ITPRID1: variants seen among roughly 807,000 people sequenced by gnomAD.
ITPRID1 encodes protein ITPRID1.
ITPRID1 carries 96 observed loss-of-function variants against 95.4 expected under a neutral mutation model. The observed-to-expected ratio is 1.01, with a 90% CI of 0.85 to 1.19. The LOEUF (loss-of-function observed/expected upper bound fraction) is 1.19, where lower values mean the gene tolerates loss of function less well. ITPRID1 is among the 50% of genes most tolerant of loss of function. The probability of loss-of-function intolerance (pLI) is 0.00; values close to 1 mark genes in which losing one functional copy is unlikely to be tolerated. For missense variants in ITPRID1, 1,339 were observed against 1,252.9 expected, an observed-to-expected ratio of 1.07 and a Z score of -1.04; for synonymous variants, 510 against 453.6, an observed-to-expected ratio of 1.12 and a Z score of -1.58.
At chr7:31,568,331 C>T (rs1784869841) in intron 5 of ITPRID1, among the ~76,000 whole-genome samples, 1 of 152,148 alleles carries the variant, frequency 6.6e-6, no homozygotes, top group South Asian at 2.1e-4. Context: ...AGACCCTCTA[C>T]TCAGACAAGA....
chr7:31,563,844 G>T (rs1013761788), intron 5 of ITPRID1, among the ~76,000 whole-genome samples: 1 of 152,096 alleles, frequency 6.6e-6, no homozygotes, highest in African/African-American at 2.4e-5. Flanking sequence ...CATTCCAATG[G>T]GCTTTAAGGT....
intron 10 of ITPRID1, among the ~76,000 whole-genome samples, chr7:31,588,682 T>C (rs1334803372): frequency 2.6e-5 from 3 of 115,070 alleles, no homozygotes; most frequent in Non-Finnish European, 3.7e-5. Flanking sequence ...GAATATAAAA[T>C]TTGAGGAAAT....
In ITPRID1 at chr7:31,653,021, G is replaced by A. The variant is rs560855439; in HGVS notation, c.*192G>A. On this transcript the variant is annotated 3_prime_UTR_variant, in exon 15 of 15. Coordinates refer to ENST00000615280, the MANE Select transcript of ITPRID1 (RefSeq NM_001257967.3). ...TACTCATTCAGTATAGAATAACTGAGCACCTAGTATGTGCCTGGCACAGAG... is the reference window on the plus strand; with the variant it reads ...TACTCATTCAGTATAGAATAACTGAACACCTAGTATGTGCCTGGCACAGAG... 5.1e-6 allele frequency: 7 copies of A among 1,370,252 alleles called. No individual in the cohort carries two copies. Among genetic ancestry groups the A allele is most frequent in the Non-Finnish European group, 6.7e-6 (7 of 1,046,358 alleles). 84.9% of individuals were successfully genotyped at this position (1,370,252 alleles called of 1,614,324 possible). A position where few individuals can be genotyped will look rare whatever the true frequency, so the allele number is the denominator to read the frequency against.
At chr7:31,528,957 T>C (rs767370952) in intron 1 of ITPRID1, among the ~76,000 whole-genome samples, 8 of 152,186 alleles carry the variant, frequency 5.3e-5, no homozygotes, top group Admixed American at 2.6e-4. Context: ...TTTAGCATTA[T>C]GTCATATATA....
Position 31,643,170 on chromosome 7 carries a change from T to A in ITPRID1, c.1800T>A (p.Pro600=). ...QSHHNESQRS[P]GNDHTQDKFL... is the part of the protein sequence containing the mutation. ...ACCACAATGAGTCTCAAAGGTCACC[T>A]GGAAATGATCATACTCAAGACAAGT... The change falls in exon 12 of 15, where the codon CCT becomes CCA. Residue 600 remains proline, a synonymous_variant. Transcript: ENST00000615280. The A allele has an allele frequency of 1.2e-6, 2 of 1,613,950 alleles. No individual in the cohort carries two copies. The highest frequency in any genetic ancestry group is 1.7e-6 in the Non-Finnish European group (2 of 1,179,894).
chr7:31,578,156 G>T lies in ITPRID1; in HGVS notation c.892G>T (p.Ala298Ser). The T allele has an allele frequency of 6.2e-7, 1 of 1,613,810 alleles. No individual in the cohort carries two copies. Among genetic ancestry groups the T allele is most frequent in the Non-Finnish European group, 8.5e-7 (1 of 1,179,818 alleles). Residue 298 changes from alanine (A) to serine (S), a missense_variant, in exon 9 of 15, where the codon GCA becomes TCA. Ala to Ser is a moderately conservative substitution (Grantham distance 99). Transcript: ENST00000615280. ...ACCATGGGATTGTGGAGCAGAGCTA[G>T]CAGCAACCTCAATCAACCACAAGCA... ...TKPWDCGAEL[A>S]ATSINHKQNH...
chr7:31,614,717 T>C (rs1213701075), intron 10 of ITPRID1, among the ~76,000 whole-genome samples: 1 of 150,588 alleles, frequency 6.6e-6, no homozygotes, highest in East Asian at 2.0e-4. Flanking sequence ...TGTGGCACAG[T>C]GAGCTGCATT....
chr7:31,550,353 A>T (rs1160224409), intron 2 of ITPRID1, among the ~76,000 whole-genome samples: 1 of 152,136 alleles, frequency 6.6e-6, no homozygotes. Context: ...GCATGGAATG[A>T]CATGATCCAG....
rs1562598937 is a variant in ITPRID1 at position 31,599,651 on chromosome 7, CTTTCTTTCCTT to C, written c.1228+16462_1228+16472del. ...TTTCTTTCTTTCTTTCTTTCTTTTT[CTTTCTTTCCTT>C]TCTCTCTCTCTCTCTCTCTCTCTCT... On this transcript the variant is annotated intron_variant, in intron 10 of 14. Coordinates refer to ENST00000615280, the MANE Select transcript of ITPRID1 (RefSeq NM_001257967.3). Among the ~76,000 whole-genome samples the C allele has an allele frequency of 1.4e-3, 29 of 20,174 alleles. 2 individuals are homozygous for C. The highest frequency in any genetic ancestry group is 1.9e-3 in the Non-Finnish European group (18 of 9,656). 13.2% of individuals were successfully genotyped at this position (20,174 alleles called of 152,430 possible). A position where few individuals can be genotyped will look rare whatever the true frequency, so the allele number is the denominator to read the frequency against.
chr7:31,609,375 T>C (rs1786767831), intron 10 of ITPRID1, among the ~76,000 whole-genome samples: 1 of 151,646 alleles, frequency 6.6e-6, no homozygotes, highest in African/African-American at 2.4e-5. Flanking sequence ...GTTTGTGAAA[T>C]ATTATTAATG....
intron 10 of ITPRID1, among the ~76,000 whole-genome samples, chr7:31,588,172 A>G (rs1785701626): frequency 1.3e-5 from 2 of 152,208 alleles, no homozygotes; most frequent in Admixed American, 1.3e-4. Flanking sequence ...ATATTTTTAA[A>G]ACTCCTACAT....
At position 31,569,658 on chromosome 7, in the gene ITPRID1, T is replaced by G; in HGVS notation, c.257-100T>G. ...TATTTCATGCCTATATAACCTTGGA[T>G]ATGGAAATTCAATTCTACCTTGGTT... On this transcript the variant is annotated intron_variant, in intron 5 of 14. Coordinates refer to ENST00000615280, the MANE Select transcript of ITPRID1 (RefSeq NM_001257967.3). 3.1e-6 allele frequency: 3 copies of G among 964,934 alleles called. No individual in the cohort carries two copies. In the South Asian group the frequency reaches 4.7e-5, roughly 15 times the overall value. 59.8% of individuals were successfully genotyped at this position (964,934 alleles called of 1,614,324 possible).
At chr7:31,590,041 T>C (rs904228641) in intron 10 of ITPRID1, among the ~76,000 whole-genome samples, 23 of 152,114 alleles carry the variant, frequency 1.5e-4, no homozygotes, top group African/African-American at 4.3e-4. Context: ...TTTATATACA[T>C]ATATATGTGT....
intron 10 of ITPRID1, among the ~76,000 whole-genome samples, chr7:31,617,973 A>G (rs966433659): frequency 3.3e-5 from 5 of 152,188 alleles, no homozygotes; most frequent in African/African-American, 1.2e-4. Flanking sequence ...AGAAGCACAC[A>G]TATTGATTGT....
intron 1 of ITPRID1, among the ~76,000 whole-genome samples, chr7:31,519,620 C>CTCTCTCTCTCTCCA: frequency 4.0e-5 from 1 of 25,254 alleles, no homozygotes; most frequent in African/African-American, 1.4e-4. Context: ...CTCTCTCTCT[C>CTCTCTCTCTCTCCA]TATATATATA....
chr7:31,529,936 T>G (rs1783541823), intron 1 of ITPRID1: 3 of 782,066 alleles, frequency 3.8e-6, no homozygotes, highest in Non-Finnish European at 6.2e-6. Context: ...AGCGATGGCG[T>G]GTTCTGAAAC....
At chr7:31,580,969 T>C (rs1371772886) in intron 9 of ITPRID1, among the ~76,000 whole-genome samples, 1 of 152,208 alleles carries the variant, frequency 6.6e-6, no homozygotes, top group African/African-American at 2.4e-5. Context: ...TATTACATTC[T>C]CACTGGGGAA....
chr7:31,628,470 T>TC (rs1788684543), intron 10 of ITPRID1, among the ~76,000 whole-genome samples: 1 of 151,602 alleles, frequency 6.6e-6, no homozygotes, highest in African/African-American at 2.4e-5. Context: ...TCTTTTTTTT[T>TC]CTTTTTTTGA....
intron 5 of ITPRID1, among the ~76,000 whole-genome samples, chr7:31,564,560 A>G (rs1377337921): frequency 6.6e-6 from 1 of 152,134 alleles, no homozygotes; most frequent in Non-Finnish European, 1.5e-5. Flanking sequence ...GACCCTAGCG[A>G]GCGGTCTTGT....
Sources: gnomAD v4.1 joint callset for allele counts (sites outside exome capture counted in the v4.1 genomes callset) on GRCh38, gnomAD v4.1.1 for gene constraint, MANE v1.5 for transcripts, NCBI Gene and HGNC (gene_info 2026-07-23, HGNC 2026-07-21) for gene names.